The following SYNE1 variants were observed in gnomAD, a reference collection of about 807,000 sequenced individuals.
The protein encoded by SYNE1 is spectrin repeat containing nuclear envelope protein 1.
A neutral mutation model predicts 1,111.0 loss-of-function variants in SYNE1; 616 were observed. The ratio of observed to expected loss-of-function variants is 0.55; its 90% CI spans 0.52 to 0.59. SYNE1 has a LOEUF of 0.59. Ranked by LOEUF, SYNE1 falls within the 20% of genes least tolerant of loss-of-function variation. The probability of loss-of-function intolerance (pLI) is 0.00; values close to 1 mark genes in which losing one functional copy is unlikely to be tolerated. For missense variants in SYNE1, 10,006 were observed against 10,417.0 expected, an observed-to-expected ratio of 0.96 and a Z score of 1.72; for synonymous variants, 3,855 against 3,825.8, an observed-to-expected ratio of 1.01 and a Z score of -0.28.
intron 91 of SYNE1, among the ~76,000 whole-genome samples, chr6:152,302,924 TA>T (rs1465283211): frequency 6.6e-6 from 1 of 152,046 alleles, no homozygotes; most frequent in African/African-American, 2.4e-5. Flanking sequence ...ACATAACCCT[TA>T]AAAAGGTAAC....
intron 29 of SYNE1, among the ~76,000 whole-genome samples, chr6:152,447,088 G>A (rs554956869): frequency 2.1e-4 from 32 of 152,270 alleles, no homozygotes; most frequent in African/African-American, 7.7e-4. Context: ...AGGAGGTAGG[G>A]TATCACATTT....
rs780507732 is a variant in SYNE1, at chr6:152,294,002, T to A, written c.17808A>T (p.Lys5936Asn). The change falls in exon 94 of 146, where the codon AAA becomes AAT. Residue 5936 changes from lysine (K) to asparagine (N), a missense_variant. Lys to Asn is a moderately conservative substitution (Grantham distance 94). Around this residue, in one of 7 missense-constraint regions of SYNE1, gnomAD observed 4,955 missense variants for 5,017.2 expected, o/e 0.99. Transcript: ENST00000367255. ...EPGLEPSATAKLGDLQRSWET... is the reference protein window; with the variant it reads ...EPGLEPSATANLGDLQRSWET... Reference sequence around the variant, plus strand: ...CCCAAGAACGCTGCAAATCACCCAGTTTGGCAGTAGCGGATGGCTCCAATC... The same window carrying A: ...CCCAAGAACGCTGCAAATCACCCAGATTGGCAGTAGCGGATGGCTCCAATC... 28 of 1,614,002 alleles carry A rather than the reference T, an allele frequency of 1.7e-5. No individual in the cohort carries two copies. In the South Asian group the frequency reaches 3.1e-4, roughly 18 times the overall value.
At chr6:152,495,190 G>A (rs1360074046) in intron 11 of SYNE1, among the ~76,000 whole-genome samples, 2 of 152,014 alleles carry the variant, frequency 1.3e-5, no homozygotes, top group South Asian at 2.1e-4. Flanking sequence ...CAGGGAGTTC[G>A]CCCCTGCCCA....
intron 14 of SYNE1, among the ~76,000 whole-genome samples, chr6:152,476,086 A>T (rs940439407): frequency 1.3e-5 from 2 of 151,912 alleles, no homozygotes; most frequent in South Asian, 4.2e-4. Flanking sequence ...TCTTCTCTGT[A>T]TATACTTCTT....
intron 91 of SYNE1, 30 bp downstream of exon 91, chr6:152,308,459 C>T: frequency 1.2e-6 from 2 of 1,613,942 alleles, no homozygotes; most frequent in Non-Finnish European, 1.7e-6. Context: ...CAGTTTCCTG[C>T]CCTCGGTATT....
chr6:152,209,790 G>C (rs1000728848), intron 124 of SYNE1, among the ~76,000 whole-genome samples: 2 of 151,838 alleles, frequency 1.3e-5, no homozygotes, highest in Non-Finnish European at 2.9e-5. Flanking sequence ...TAGCTACTTA[G>C]ATTTTGATGA....
At chr6:152,559,364 A>G (rs1254910401) in intron 3 of SYNE1, among the ~76,000 whole-genome samples, 6 of 152,132 alleles carry the variant, frequency 3.9e-5, no homozygotes, top group Admixed American at 3.9e-4. Flanking sequence ...GCCTCCTAAA[A>G]TGCTGTGATT....
intron 63 of SYNE1, among the ~76,000 whole-genome samples, chr6:152,363,353 G>T (rs1283138907): frequency 6.7e-6 from 1 of 148,958 alleles, no homozygotes; most frequent in African/African-American, 2.4e-5. Context: ...AATTAGCCGG[G>T]CATGGTGGCG....
At chr6:152,169,220 G>C (rs2064460392) in intron 130 of SYNE1, among the ~76,000 whole-genome samples, 1 of 152,042 alleles carries the variant, frequency 6.6e-6, no homozygotes, top group Non-Finnish European at 1.5e-5. Context: ...TCTGGTTCTG[G>C]TCATGTGAGT....
chr6:152,233,304 T>C (rs1356687456), intron 112 of SYNE1, among the ~76,000 whole-genome samples: 1 of 151,610 alleles, frequency 6.6e-6, no homozygotes, highest in East Asian at 1.9e-4. Flanking sequence ...GGAAATGCCT[T>C]TGGGGCAGGG....
At chr6:152,210,185 T>G (rs1433382300) in intron 124 of SYNE1, among the ~76,000 whole-genome samples, 1 of 152,206 alleles carries the variant, frequency 6.6e-6, no homozygotes, top group Non-Finnish European at 1.5e-5. Context: ...AATCTGATTT[T>G]TTTTTCCCTT....
At chr6:152,399,589 C>T (rs750561550) in intron 48 of SYNE1, 27 bp downstream of exon 48, 4 of 1,613,188 alleles carry the variant, frequency 2.5e-6, no homozygotes, top group South Asian at 1.1e-5. Flanking sequence ...AAACAAACTA[C>T]TCATGCTAAG....
chr6:152,244,559 A>C lies in SYNE1; in HGVS notation c.19670T>G (p.Met6557Arg). The part of the protein sequence containing the change: ...GDKLQVEQPS[M>R]QELSKLQDMY... ...CACCTGGAGCTTGGAGAGTTCTTGC[A>C]TGGACGGCTGCTCGACCTGTAGCTT... Residue 6557 changes from methionine to arginine, a missense_variant, in exon 106 of 146, where the codon ATG becomes AGG. By Grantham distance (91) the Met-to-Arg change is moderately conservative (BLOSUM62 -1). Around this residue, in one of 7 missense-constraint regions of SYNE1, gnomAD observed 2,182 missense variants for 2,287.8 expected, o/e 0.95. Coordinates refer to ENST00000367255, the MANE Select transcript of SYNE1 (RefSeq NM_182961.4). The C allele has an allele frequency of 1.2e-6, 2 of 1,614,076 alleles. No homozygotes were observed. The highest frequency in any genetic ancestry group is 1.7e-6 in the Non-Finnish European group (2 of 1,179,942).
At chr6:152,606,173 T>C (rs944133705) in intron 3 of SYNE1, among the ~76,000 whole-genome samples, 2 of 152,098 alleles carry the variant, frequency 1.3e-5, no homozygotes, top group Admixed American at 6.6e-5. Flanking sequence ...GGGGATCTCA[T>C]TGGCATTTCT....
At chr6:152,486,711 G>T (rs1176313958) in intron 12 of SYNE1, among the ~76,000 whole-genome samples, 2 of 152,126 alleles carry the variant, frequency 1.3e-5, no homozygotes, top group Non-Finnish European at 2.9e-5. Flanking sequence ...AAGCAAAAGA[G>T]TACATGCATA....
chr6:152,449,734 A>T, intron 27 of SYNE1, 93 bp from the exon 28 acceptor site: 1 of 990,098 alleles, frequency 1.0e-6, no homozygotes. Context: ...TGGAAATTTA[A>T]CAATTAAGTG....
At chr6:152,302,087 G>C (rs920239180) in intron 91 of SYNE1, 24 bp from the exon 92 acceptor site, 1 of 1,614,102 alleles carries the variant, frequency 6.2e-7, no homozygotes, top group Non-Finnish European at 8.5e-7. Flanking sequence ...TCCCCCACCG[G>C]GGTGTCAGAG....
intron 59 of SYNE1, among the ~76,000 whole-genome samples, chr6:152,369,969 G>A (rs992758139): frequency 2.9e-4 from 36 of 123,296 alleles, no homozygotes; most frequent in African/African-American, 1.1e-3. Flanking sequence ...GGTGACAGAG[G>A]GTGACTCTGT....
At chr6:152,565,755 C>T (rs992635164) in intron 3 of SYNE1, among the ~76,000 whole-genome samples, 10 of 151,638 alleles carry the variant, frequency 6.6e-5, no homozygotes, top group Admixed American at 5.3e-4. Context: ...AGTTGTTTTA[C>T]AAATAGGATT....
Sources: gnomAD v4.1 joint callset for allele counts (sites outside exome capture counted in the v4.1 genomes callset) on GRCh38, gnomAD v4.1.1 for gene constraint, gnomAD v4.1.1 regional missense constraint, MANE v1.5 for transcripts, NCBI Gene and HGNC (gene_info 2026-07-23, HGNC 2026-07-21) for gene names.